MSH5: variants seen among roughly 807,000 people sequenced by gnomAD.
MSH5 encodes the protein mutS homolog 5.
In MSH5, 78 loss-of-function variants were observed where a neutral mutation model predicts 107.7. The ratio of observed to expected loss-of-function variants is 0.72; its 90% CI spans 0.60 to 0.87. The LOEUF (loss-of-function observed/expected upper bound fraction) is 0.87, where lower values mean the gene tolerates loss of function less well. MSH5 is among the 40% of genes least tolerant of loss of function. The pLI, the probability that MSH5 is intolerant of heterozygous loss-of-function variation, is 0.00. For synonymous variants in MSH5, 326 were observed against 399.5 expected (o/e 0.82, Z 2.19); for missense variants, 889 against 1,046.6 (o/e 0.85, Z 2.08).
rs757132570 is a variant in MSH5, at chr6:31,740,589, CGAG to C, written c.136_138del (p.Glu46del). 7.0e-5 allele frequency: 106 copies of C among 1,505,578 alleles called. No homozygotes were observed. The highest frequency in any genetic ancestry group is 1.8e-4 in the Admixed American group (7 of 39,114). The allele number at this position is 1,505,578 out of a possible 1,614,324, so 93.3% of individuals were successfully genotyped here. On this transcript the variant is annotated inframe_deletion, in exon 2 of 25. Transcript: ENST00000375750. The surrounding 1 kb of genome is among the most constrained non-coding windows in gnomAD (Gnocchi z 4.4). ...CCAGGGAGGCCGAGGAGGAGGAAGT[CGAG>C]GAGGAGGAGGAGCTGGCCGAGGTCT...
rs763426924 is a variant in MSH5, at chr6:31,758,926, T to C, written c.1326+51T>C. 1.5e-5 allele frequency: 23 copies of C among 1,531,308 alleles called. No individual in the cohort carries two copies. Among genetic ancestry groups the C allele is most frequent in the Non-Finnish European group, 2.0e-5 (22 of 1,105,504 alleles). The allele number at this position is 1,531,308 out of a possible 1,614,324, so 94.9% of individuals were successfully genotyped here. ...CTTCAGATGTCTTTTGGGGGAGATA[T>C]TAGGCTTATGAAAGACATACTGGTA... On this transcript the variant is annotated intron_variant, in intron 15 of 24. Coordinates refer to ENST00000375750, the MANE Select transcript of MSH5 (RefSeq NM_172166.4). This position sits in a 1 kb window ranked among gnomAD's most constrained non-coding sequence, Gnocchi z 5.1.
At chr6:31,748,960 G>T (rs1809716218) in intron 10 of MSH5, among the ~76,000 whole-genome samples, 1 of 149,510 alleles carries the variant, frequency 6.7e-6, no homozygotes, top group Non-Finnish European at 1.5e-5. Context: ...CTGTCACCCA[G>T]GCTGGAGTGC....
At chr6:31,747,519 A>AT (rs1254751161) in intron 10 of MSH5, 87 bp downstream of exon 10, 2 of 1,383,664 alleles carry the variant, frequency 1.4e-6, no homozygotes, top group African/African-American at 2.8e-5. Flanking sequence ...CAGTATACAG[A>AT]TTCTCACATA....
Position 31,758,956 on chromosome 6 carries a change from A to T in MSH5, c.1326+81A>T. The T allele has an allele frequency of 6.9e-7, 1 of 1,454,220 alleles. No individual in the cohort carries two copies. The highest frequency in any genetic ancestry group is 9.6e-7 in the Non-Finnish European group (1 of 1,036,924). The allele number at this position is 1,454,220 out of a possible 1,614,324, so 90.1% of individuals were successfully genotyped here. A position where few individuals can be genotyped will look rare whatever the true frequency, so the allele number is the denominator to read the frequency against. On this transcript the variant is annotated intron_variant, in intron 15 of 24. Coordinates refer to ENST00000375750, the MANE Select transcript of MSH5 (RefSeq NM_172166.4). The surrounding 1 kb of genome is among the most constrained non-coding windows in gnomAD (Gnocchi z 5.1). Reference sequence around the variant, plus strand: ...CTTATGAAAGACATACTGGTAGATAAGAAAACTTGTGGGGCAGCCTGAAGA... The same window carrying T: ...CTTATGAAAGACATACTGGTAGATATGAAAACTTGTGGGGCAGCCTGAAGA...
Position 31,758,205 on chromosome 6 carries a change from C to T in MSH5, c.1055C>T (p.Ser352Phe), listed in dbSNP as rs1243252622. The change falls in exon 13 of 25, where the codon TCC (serine) becomes TTC (phenylalanine). Residue 352 changes from serine (S) to phenylalanine (F), a missense_variant. Ser to Phe is a radical substitution (Grantham distance 155, BLOSUM62 -2). Transcript: ENST00000375750. This position sits in a 1 kb window ranked among gnomAD's most constrained non-coding sequence, Gnocchi z 5.1. ...SALGLRDACR[S>F]LPQSIQLFRD... ...CTGGGCCTGAGGGATGCCTGCCGCT[C>T]CCTGCCGCAGTCCATCCAGCTCTTT... The T allele has an allele frequency of 9.3e-6, 15 of 1,612,958 alleles. No homozygotes were observed. Among genetic ancestry groups the T allele is most frequent in the African/African-American group, 1.3e-5 (1 of 74,914 alleles).
intron 9 of MSH5, chr6:31,746,458 A>C (rs1010283591): frequency 6.7e-6 from 1 of 149,198 alleles, no homozygotes; most frequent in African/African-American, 2.5e-5. Context: ...TTTGTTTTTT[A>C]GATGGAATCT....
intron 4 of MSH5, 58 bp from the exon 5 acceptor site, chr6:31,743,046 TCAGA>T (rs1358147211): frequency 2.5e-6 from 4 of 1,610,068 alleles, no homozygotes; most frequent in Non-Finnish European, 3.4e-6. Context: ...AGAGGGAGTG[TCAGA>T]CAGAGGTAGA....
At chr6:31,749,969 C>T (rs1175090035) in intron 10 of MSH5, among the ~76,000 whole-genome samples, 1 of 152,132 alleles carries the variant, frequency 6.6e-6, no homozygotes, top group Non-Finnish European at 1.5e-5. Flanking sequence ...TCCAGGTAAT[C>T]AGCATCTCCA....
At position 31,746,605 on chromosome 6, in the gene MSH5, T is replaced by G. The variant is rs190305567; in HGVS notation, c.767-782T>G. On this transcript the variant is annotated intron_variant, in intron 9 of 24. Coordinates refer to ENST00000375750, the MANE Select transcript of MSH5 (RefSeq NM_172166.4). ...CTGGAACTACAGGCCTGCACCACCA[T>G]GCCCAGCTAATTTTTTTGTATTTTT... Among the ~76,000 whole-genome samples, 5 of 151,374 alleles carry G rather than the reference T, an allele frequency of 3.3e-5. No homozygotes were observed. The East Asian group carries it at 9.9e-4, about 30-fold the overall frequency.
At chr6:31,741,452 C>T (rs184969969) in intron 3 of MSH5, among the ~76,000 whole-genome samples, 166 bp downstream of exon 3, 1 of 152,078 alleles carries the variant, frequency 6.6e-6, no homozygotes, top group Non-Finnish European at 1.5e-5. Context: ...AATCTTGGCT[C>T]ACTGCAGCCT....
At position 31,760,568 on chromosome 6, in the gene MSH5, G is replaced by T; in HGVS notation, c.1813-122G>T. ...GAGGAGAGACAGAGTCAGTGTGTCT[G>T]TTACCTATTTCTCCTGTTTCACCCT... is the stretch of plus-strand genomic sequence containing the variant. On this transcript the variant is annotated intron_variant, in intron 19 of 24. Transcript: ENST00000375750. This position sits in a 1 kb window ranked among gnomAD's most constrained non-coding sequence, Gnocchi z 5.6. 1.5e-6 allele frequency: 2 copies of T among 1,293,844 alleles called. No homozygotes were observed. The highest frequency in any genetic ancestry group is 2.2e-6 in the Non-Finnish European group (2 of 900,546). The allele number at this position is 1,293,844 out of a possible 1,614,324, so 80.1% of individuals were successfully genotyped here. A position where few individuals can be genotyped will look rare whatever the true frequency, so the allele number is the denominator to read the frequency against.
rs959193177 is a variant in MSH5, at chr6:31,761,682, TCCTCTATCAGAACAAGGGCTC to T, written c.2181+72_2181+92del. The T allele has an allele frequency of 1.9e-6, 3 of 1,612,498 alleles. No individual in the cohort carries two copies. In the African/African-American group the frequency reaches 4.0e-5, roughly 22 times the overall value. On this transcript the variant is annotated intron_variant, in intron 22 of 24. Transcript: ENST00000375750. This position sits in a 1 kb window ranked among gnomAD's most constrained non-coding sequence, Gnocchi z 5.3. ...GCATTTCCCAGAGGTGGGGATTGGC[TCCTCTATCAGAACAAGGGCTC>T]CCTCAGCACAGAGACCACATCCCTT...
chr6:31,741,124 T>A, intron 2 of MSH5, 39 bp from the exon 3 acceptor site: 1 of 1,608,464 alleles, frequency 6.2e-7, no homozygotes, highest in Non-Finnish European at 8.5e-7. Context: ...CACTTATGAG[T>A]GATTCTAATA....
Position 31,758,474 on chromosome 6 carries a change from A to C in MSH5, c.1144-74A>C, listed in dbSNP as rs1157252844. 2 of 1,584,154 alleles carry C rather than the reference A, an allele frequency of 1.3e-6. No individual in the cohort carries two copies. Among genetic ancestry groups the C allele is most frequent in the Non-Finnish European group, 1.7e-6 (2 of 1,155,004 alleles). The stretch of plus-strand genomic sequence containing the variant: ...AGAGTTAAAGGAGGACTGCAGGGAG[A>C]ATTGGGGCCCAAGGAGAGCTGAGGA... On this transcript the variant is annotated intron_variant, in intron 13 of 24. Coordinates refer to ENST00000375750, the MANE Select transcript of MSH5 (RefSeq NM_172166.4). This position sits in a 1 kb window ranked among gnomAD's most constrained non-coding sequence, Gnocchi z 5.1.
In MSH5 at chr6:31,744,268, G is replaced by T. The variant is rs28381359; in HGVS notation, c.616G>T (p.Val206Phe). ...GVELEDYNVS[V>F]PILGFKKFML... ...TGAACTGGAAGACTATAATGTCAGC[G>T]TCCCCATCCTGGGCTTTAAGAAATT... Residue 206 changes from valine (V) to phenylalanine (F), a missense_variant, in exon 7 of 25, where the codon GTC (valine) becomes TTC (phenylalanine). By Grantham distance (50) the Val-to-Phe change is conservative. Around this residue, in one of 3 missense-constraint regions of MSH5, gnomAD observed 518 missense variants for 565.0 expected, o/e 0.92. Transcript: ENST00000375750. The T allele has an allele frequency of 8.1e-6, 13 of 1,614,112 alleles. No homozygotes were observed. Among genetic ancestry groups the T allele is most frequent in the African/African-American group, 1.3e-5 (1 of 74,996 alleles).
Position 31,758,036 on chromosome 6 carries a change from G to T in MSH5, c.1015-129G>T. 1 of 1,139,912 alleles carries T rather than the reference G, an allele frequency of 8.8e-7. No homozygotes were observed. Among genetic ancestry groups the T allele is most frequent in the Admixed American group, 2.2e-5 (1 of 45,978 alleles). 70.6% of individuals were successfully genotyped at this position (1,139,912 alleles called of 1,614,324 possible). On this transcript the variant is annotated intron_variant, in intron 12 of 24. Coordinates refer to ENST00000375750, the MANE Select transcript of MSH5 (RefSeq NM_172166.4). This position sits in a 1 kb window ranked among gnomAD's most constrained non-coding sequence, Gnocchi z 5.1. ...ACAGTGCCTCTCACTGTTTCTTTTT[G>T]CCTTTGAGATCTTCCCTCTTTGTTA...
rs1253049393 is a variant in MSH5 at position 31,760,353 on chromosome 6, T to TCC, written c.1812+139_1812+140dup. ...CTTCATGAAAGGACCATCACCCACA[T>TCC]CCCTGTGCTTCCACCTCACATGTTC... On this transcript the variant is annotated intron_variant, in intron 19 of 24. Coordinates refer to ENST00000375750, the MANE Select transcript of MSH5 (RefSeq NM_172166.4). The surrounding 1 kb of genome is among the most constrained non-coding windows in gnomAD (Gnocchi z 5.6). 1 of 1,199,260 alleles carries TCC rather than the reference T, an allele frequency of 8.3e-7. No individual in the cohort carries two copies. Among genetic ancestry groups the TCC allele is most frequent in the Non-Finnish European group, 1.2e-6 (1 of 869,220 alleles). 74.3% of individuals were successfully genotyped at this position (1,199,260 alleles called of 1,614,324 possible). A position where few individuals can be genotyped will look rare whatever the true frequency, so the allele number is the denominator to read the frequency against.
Position 31,760,731 on chromosome 6 carries a change from G to A in MSH5, c.1854G>A (p.Val618=). The part of the protein sequence containing the change: ...ITFMALVGSF[V]PAEEAEIGAV... ...TCATGGCCCTGGTAGGCAGCTTTGTGCCAGCAGAGGAGGCCGAAATTGGGG... is the reference window on the plus strand; with the variant it reads ...TCATGGCCCTGGTAGGCAGCTTTGTACCAGCAGAGGAGGCCGAAATTGGGG... The change falls in exon 20 of 25, where the codon GTG becomes GTA. Residue 618 remains valine (V), a synonymous_variant. Coordinates refer to ENST00000375750, the MANE Select transcript of MSH5 (RefSeq NM_172166.4). The surrounding 1 kb of genome is among the most constrained non-coding windows in gnomAD (Gnocchi z 5.6). 1 of 1,613,052 alleles carries A rather than the reference G, an allele frequency of 6.2e-7. No individual in the cohort carries two copies. Among genetic ancestry groups the A allele is most frequent in the South Asian group, 1.1e-5 (1 of 91,088 alleles).
At chr6:31,755,158 T>G (rs1182067087) in intron 12 of MSH5, among the ~76,000 whole-genome samples, 1 of 152,006 alleles carries the variant, frequency 6.6e-6, no homozygotes, top group Admixed American at 6.6e-5. Context: ...ATATCTGAAA[T>G]TTTTCTTTTT....
Sources: allele counts gnomAD v4.1 joint callset (sites outside exome capture counted in the v4.1 genomes callset), GRCh38; gene constraint gnomAD v4.1.1; regional missense constraint gnomAD v4.1.1; non-coding constraint Gnocchi (gnomAD v3.1); transcripts MANE v1.5; gene names NCBI Gene and HGNC (gene_info 2026-07-23, HGNC 2026-07-21).